VEPH1: variants seen among roughly 807,000 people sequenced by gnomAD.
VEPH1 encodes ventricular zone expressed PH domain containing 1, also known as ventricular zone-expressed PH domain-containing protein homolog 1.
In VEPH1, 80 loss-of-function variants were observed where a neutral mutation model predicts 85.2. The ratio of observed to expected loss-of-function variants is 0.94; its 90% confidence interval spans 0.78 to 1.13. VEPH1 has a LOEUF of 1.13. Ranked by LOEUF, VEPH1 falls within the 50% of genes most tolerant of loss-of-function variation. The pLI, the probability that VEPH1 is intolerant of heterozygous loss-of-function variation, is 0.00. For synonymous variants in VEPH1, 297 were observed against 348.0 expected, an observed-to-expected ratio of 0.85 and a Z score of 1.63; for missense variants, 955 against 980.5, an observed-to-expected ratio of 0.97 and a Z score of 0.35.
chr3:157,304,916 G>C (rs1719289320), intron 11 of VEPH1, among the ~76,000 whole-genome samples: 1 of 151,918 alleles, frequency 6.6e-6, no homozygotes, highest in South Asian at 2.1e-4. Flanking sequence ...GGTATTTACT[G>C]TAAGTGTGTT....
At chr3:157,296,159 A>G (rs989370181) in intron 11 of VEPH1, among the ~76,000 whole-genome samples, 1 of 152,232 alleles carries the variant, frequency 6.6e-6, no homozygotes, top group South Asian at 2.1e-4. Context: ...AAAAGCATTC[A>G]TGGAAATAAT....
At chr3:157,334,996 A>G (rs1184378182) in intron 9 of VEPH1, among the ~76,000 whole-genome samples, 1 of 152,200 alleles carries the variant, frequency 6.6e-6, no homozygotes, top group Non-Finnish European at 1.5e-5. Flanking sequence ...TAAAATGAGG[A>G]CAGTGCTAAC....
chr3:157,468,324 T>C (rs963797414), intron 3 of VEPH1, among the ~76,000 whole-genome samples: 2 of 152,178 alleles, frequency 1.3e-5, no homozygotes, highest in African/African-American at 4.8e-5. Flanking sequence ...ACATCAGATA[T>C]GTAAGAATTG....
intron 9 of VEPH1, 139 bp from the exon 10 acceptor site, chr3:157,317,340 T>A (rs1720859541): frequency 1.6e-6 from 1 of 608,034 alleles, no homozygotes; most frequent in Middle Eastern, 4.7e-4. Context: ...AACAACTATA[T>A]ATTTGAGAGG....
At chr3:157,288,520 C>A (rs1273346949) in intron 11 of VEPH1, among the ~76,000 whole-genome samples, 2 of 151,810 alleles carry the variant, frequency 1.3e-5, no homozygotes, top group African/African-American at 4.8e-5. Context: ...TTTCATAATA[C>A]CCCCAGAGTC....
At chr3:157,483,857 T>C (rs1001235352) in intron 2 of VEPH1, among the ~76,000 whole-genome samples, 12 of 152,218 alleles carry the variant, frequency 7.9e-5, no homozygotes, top group Admixed American at 5.2e-4. Flanking sequence ...TACATATTTG[T>C]TGGATGCACA....
At chr3:157,294,731 G>A (rs1286503879) in intron 11 of VEPH1, among the ~76,000 whole-genome samples, 2 of 152,198 alleles carry the variant, frequency 1.3e-5, no homozygotes, top group Non-Finnish European at 2.9e-5. Context: ...AAATATTTTT[G>A]TGTTTCTGCA....
At chr3:157,448,182 C>T (rs907701463) in intron 4 of VEPH1, among the ~76,000 whole-genome samples, 1 of 151,926 alleles carries the variant, frequency 6.6e-6, no homozygotes, top group Admixed American at 6.6e-5. Context: ...ATTTGTCTCA[C>T]ACAGAGAAAA....
At chr3:157,474,617 A>AT (rs1032573807) in intron 2 of VEPH1, among the ~76,000 whole-genome samples, 3 of 152,156 alleles carry the variant, frequency 2.0e-5, no homozygotes, top group Non-Finnish European at 4.4e-5. Flanking sequence ...GGTCCAAACC[A>AT]TTTTATCATA....
Position 157,285,080 on chromosome 3 carries a change from C to A in VEPH1, c.2128+1477G>T, listed in dbSNP as rs1716600310. The A allele has an allele frequency of 2.0e-5, 3 of 152,246 alleles. No homozygotes were observed. In the South Asian group the frequency reaches 6.2e-4, roughly 32 times the overall value. 9.4% of individuals were successfully genotyped at this position (152,246 alleles called of 1,614,324 possible). A position where few individuals can be genotyped will look rare whatever the true frequency, so the allele number is the denominator to read the frequency against. On this transcript the variant is annotated intron_variant, in intron 12 of 13. Coordinates refer to ENST00000362010, the MANE Select transcript of VEPH1 (RefSeq NM_001167912.2). ...AACTCTTCAGGGCCTCTCAGAGATA[C>A]CTAAGATAAGTACCTTATTTTAGTA...
chr3:157,277,065 A>G (rs959823446), intron 12 of VEPH1, among the ~76,000 whole-genome samples: 2 of 151,922 alleles, frequency 1.3e-5, no homozygotes, highest in African/African-American at 2.4e-5. Context: ...TAATTTTTGT[A>G]TTTTTCGTAG....
chr3:157,363,235 T>G, intron 9 of VEPH1, 129 bp downstream of exon 9: 2 of 847,766 alleles, frequency 2.4e-6, no homozygotes, highest in Non-Finnish European at 1.8e-6. Context: ...TAATGTAAGG[T>G]ATTTAAAAAA....
intron 2 of VEPH1, 95 bp from the exon 3 acceptor site, chr3:157,470,624 AC>A: frequency 8.1e-7 from 1 of 1,232,170 alleles, no homozygotes; most frequent in Non-Finnish European, 1.2e-6. Flanking sequence ...AAATGGGTGC[AC>A]CAGGCTGTGT....
intron 12 of VEPH1, among the ~76,000 whole-genome samples, chr3:157,273,925 G>A (rs10936075): frequency 0.22 from 33,814 of 152,150 alleles, 4,617 homozygotes; most frequent in Admixed American, 0.42. Flanking sequence ...ACATGAGACT[G>A]TACCAAAGAC....
intron 11 of VEPH1, among the ~76,000 whole-genome samples, chr3:157,301,840 G>A (rs1274731993): frequency 2.0e-5 from 3 of 152,106 alleles, no homozygotes; most frequent in Admixed American, 6.5e-5. Context: ...GTCTTCCCAT[G>A]GTTTTCATCA....
At chr3:157,402,728 A>C (rs1730870626) in intron 6 of VEPH1, among the ~76,000 whole-genome samples, 1 of 152,164 alleles carries the variant, frequency 6.6e-6, no homozygotes, top group Admixed American at 6.5e-5. Flanking sequence ...CATATTTATT[A>C]ATCTTAAAAA....
chr3:157,309,168 G>T, intron 11 of VEPH1, among the ~76,000 whole-genome samples: 1 of 151,984 alleles, frequency 6.6e-6, no homozygotes, highest in East Asian at 1.9e-4. Flanking sequence ...AACAAACAAG[G>T]AGACAAGATC....
chr3:157,352,390 CTT>C (rs1361341138), intron 9 of VEPH1, among the ~76,000 whole-genome samples: 1 of 152,098 alleles, frequency 6.6e-6, no homozygotes, highest in Non-Finnish European at 1.5e-5. Flanking sequence ...AAATAGATAA[CTT>C]TCTATTGAGT....
chr3:157,484,736 T>C (rs1330270123), intron 2 of VEPH1, among the ~76,000 whole-genome samples: 1 of 152,172 alleles, frequency 6.6e-6, no homozygotes, highest in East Asian at 1.9e-4. Context: ...CCTGAATAAC[T>C]TTAGACATAG....
Sources: gnomAD v4.1 joint callset for allele counts (sites outside exome capture counted in the v4.1 genomes callset) on GRCh38, gnomAD v4.1.1 for gene constraint, MANE v1.5 for transcripts, NCBI Gene and HGNC (gene_info 2026-07-23, HGNC 2026-07-21) for gene names.